CDS2: variants seen among roughly 807,000 people sequenced by gnomAD.
CDS2 encodes phosphatidate cytidylyltransferase 2.
A neutral mutation model predicts 59.0 loss-of-function variants in CDS2; 47 were observed. The ratio of observed to expected loss-of-function variants is 0.80; its 90% CI spans 0.63 to 1.02. CDS2 has a LOEUF of 1.02. CDS2 is among the 50% of genes least tolerant of loss of function. The pLI, the probability that CDS2 is intolerant of heterozygous loss-of-function variation, is 0.00. For missense variants in CDS2, 356 were observed against 558.9 expected (o/e 0.64, Z 3.66); for synonymous variants, 207 against 206.4 (o/e 1.00, Z -0.02).
At chr20:5,190,055 A>T in intron 12 of CDS2, 47 bp from the exon 13 acceptor site, 1 of 1,600,066 alleles carries the variant, frequency 6.2e-7, no homozygotes, top group Non-Finnish European at 8.6e-7. Flanking sequence ...AGGCCCTGGA[A>T]GCTTCCGGGC....
chr20:5,161,253 A>C (rs2090874486), intron 1 of CDS2, among the ~76,000 whole-genome samples: 2 of 152,134 alleles, frequency 1.3e-5, no homozygotes, highest in Admixed American at 1.3e-4. Flanking sequence ...GAAAATAGCC[A>C]CTCTAGTGGA....
intron 1 of CDS2, among the ~76,000 whole-genome samples, chr20:5,161,380 T>C (rs2090875536): frequency 6.6e-6 from 1 of 152,238 alleles, no homozygotes; most frequent in Non-Finnish European, 1.5e-5. Context: ...GGCTCTCATA[T>C]TGGACAGTAT....
intron 1 of CDS2, among the ~76,000 whole-genome samples, chr20:5,131,594 A>G (rs1278861733): frequency 1.3e-5 from 2 of 152,250 alleles, no homozygotes; most frequent in Admixed American, 6.5e-5. Context: ...TTAGAGCTTT[A>G]CTTATTTCAA....
Position 5,152,979 on chromosome 20 carries a change from G to A in CDS2, c.58-20544G>A, listed in dbSNP as rs138278590. On this transcript the variant is annotated intron_variant, in intron 1 of 12. Transcript: ENST00000460006. Reference sequence around the variant, plus strand: ...GTGTTTTAGGTTCTCATCTGTAAAAGGTCAGCAATACTATATCTCCTGTCC... The same window carrying A: ...GTGTTTTAGGTTCTCATCTGTAAAAAGTCAGCAATACTATATCTCCTGTCC... 5.3e-4 allele frequency among the ~76,000 whole-genome samples: 81 copies of A among 152,258 alleles called. No individual in the cohort carries two copies. The East Asian group carries it at 9.1e-3, about 17-fold the overall frequency.
At chr20:5,142,195 C>T (rs1600474408) in intron 1 of CDS2, among the ~76,000 whole-genome samples, 1 of 151,972 alleles carries the variant, frequency 6.6e-6, no homozygotes, top group Admixed American at 6.6e-5. Flanking sequence ...ATCCATAATC[C>T]CAGCACTTTG....
At chr20:5,169,744 T>C (rs766483030) in intron 1 of CDS2, among the ~76,000 whole-genome samples, 1 of 152,224 alleles carries the variant, frequency 6.6e-6, no homozygotes, top group Non-Finnish European at 1.5e-5. Flanking sequence ...TGGCAGATGG[T>C]TCAGCTTCAG....
At chr20:5,170,761 G>T (rs1340211027) in intron 1 of CDS2, among the ~76,000 whole-genome samples, 4 of 152,232 alleles carry the variant, frequency 2.6e-5, no homozygotes, top group Non-Finnish European at 5.9e-5. Flanking sequence ...TCTCTTTCAG[G>T]CTTGTTTGTT....
At chr20:5,152,283 C>T (rs117564248) in intron 1 of CDS2, among the ~76,000 whole-genome samples, 14 of 152,180 alleles carry the variant, frequency 9.2e-5, no homozygotes, top group Non-Finnish European at 1.0e-4. Flanking sequence ...AAGAATCCCA[C>T]CCTTTTGTTT....
At chr20:5,186,566 C>G in intron 9 of CDS2, 121 bp from the exon 10 acceptor site, 1 of 853,414 alleles carries the variant, frequency 1.2e-6, no homozygotes. Flanking sequence ...CCTCTGAGCA[C>G]ATAGCTCGCA....
intron 2 of CDS2, 145 bp downstream of exon 2, chr20:5,173,804 T>C: frequency 2.1e-6 from 2 of 958,396 alleles, no homozygotes; most frequent in Non-Finnish European, 3.2e-6. Context: ...CCAGGCTCCA[T>C]TGAGTGTAAT....
chr20:5,192,552 A>C lies in CDS2; in HGVS notation c.*2318A>C, dbSNP rs956756466. On this transcript the variant is annotated 3_prime_UTR_variant, in exon 13 of 13. Transcript: ENST00000460006. ...ATGTTTCTCTTTCCTATTCACAGAC[A>C]AGATTCAAGAAACCATTTTTACGTG... is the stretch of plus-strand genomic sequence containing the variant. The C allele has an allele frequency of 2.0e-5, 3 of 152,224 alleles. No homozygotes were observed. The highest frequency in any genetic ancestry group is 7.2e-5 in the African/African-American group (3 of 41,440). 9.4% of individuals were successfully genotyped at this position (152,224 alleles called of 1,614,324 possible).
chr20:5,166,267 C>T (rs1441935175), intron 1 of CDS2, among the ~76,000 whole-genome samples: 1 of 152,158 alleles, frequency 6.6e-6, no homozygotes, highest in Non-Finnish European at 1.5e-5. Context: ...GACAGATCTA[C>T]AAGCTGAGAA....
At chr20:5,173,392 C>T in intron 1 of CDS2, 131 bp from the exon 2 acceptor site, 3 of 974,850 alleles carry the variant, frequency 3.1e-6, no homozygotes, top group Non-Finnish European at 4.7e-6. Context: ...TCAGTCCCAT[C>T]ACCTGACTGT....
At chr20:5,149,937 A>G (rs2090775559) in intron 1 of CDS2, among the ~76,000 whole-genome samples, 1 of 150,708 alleles carries the variant, frequency 6.6e-6, no homozygotes, top group African/African-American at 2.4e-5. Flanking sequence ...CTGTTCTCGA[A>G]CTCCTGACCT....
intron 1 of CDS2, among the ~76,000 whole-genome samples, chr20:5,153,505 C>G (rs182603707): frequency 6.6e-6 from 1 of 152,166 alleles, no homozygotes; most frequent in East Asian, 1.9e-4. Context: ...TTTCAAGACC[C>G]GGTAGGTCTC....
intron 1 of CDS2, among the ~76,000 whole-genome samples, chr20:5,155,570 G>C (rs1453454058): frequency 6.6e-6 from 1 of 152,190 alleles, no homozygotes; most frequent in Non-Finnish European, 1.5e-5. Flanking sequence ...GTCGATCTCT[G>C]CTCTGTCTTC....
chr20:5,178,143 T>A (rs565500710), intron 4 of CDS2, among the ~76,000 whole-genome samples: 53 of 152,258 alleles, frequency 3.5e-4, no homozygotes, highest in Admixed American at 1.4e-3. Context: ...TGAACGCCAG[T>A]TGAGGAGAGA....
intron 1 of CDS2, among the ~76,000 whole-genome samples, chr20:5,143,767 C>CTTCTTT (rs2090716085): frequency 9.8e-6 from 1 of 102,522 alleles, no homozygotes; most frequent in African/African-American, 4.0e-5. Flanking sequence ...TCTTCTTCTT[C>CTTCTTT]TTTTTTTTTT....
intron 10 of CDS2, 53 bp from the exon 11 acceptor site, chr20:5,189,014 C>T (rs547638735): frequency 1.7e-5 from 28 of 1,609,660 alleles, no homozygotes; most frequent in South Asian, 2.2e-5. Flanking sequence ...CAACTCAAAC[C>T]GTAACACTGG....
Sources: gnomAD v4.1 joint callset for allele counts (sites outside exome capture counted in the v4.1 genomes callset) on GRCh38, gnomAD v4.1.1 for gene constraint, MANE v1.5 for transcripts, NCBI Gene and HGNC (gene_info 2026-07-23, HGNC 2026-07-21) for gene names.